Variants in HOMER1 observed in about 807,000 individuals in gnomAD.
HOMER1 encodes the protein homer protein homolog 1.
Under a neutral mutation model 48.9 loss-of-function variants are expected in HOMER1, and 3 were observed. That is an observed-to-expected ratio of 0.06 (90% CI 0.03 to 0.16). The LOEUF (loss-of-function observed/expected upper bound fraction) is 0.16, where lower values mean the gene tolerates loss of function less well. Ranked by LOEUF, HOMER1 falls within the 10% of genes least tolerant of loss-of-function variation. HOMER1 has a pLI of 1.00. For missense variants in HOMER1, 247 were observed against 411.4 expected (o/e 0.60, Z 3.46); for synonymous variants, 134 against 146.4 (o/e 0.92, Z 0.61).
chr5:79,391,200 C>T (rs1749241947), intron 8 of HOMER1, among the ~76,000 whole-genome samples: 1 of 149,376 alleles, frequency 6.7e-6, no homozygotes, highest in Non-Finnish European at 1.5e-5. Flanking sequence ...TGCCATGGCA[C>T]AATCACGGCT....
intron 3 of HOMER1, among the ~76,000 whole-genome samples, chr5:79,450,175 T>A (rs1013895217): frequency 2.0e-5 from 3 of 152,210 alleles, no homozygotes; most frequent in Admixed American, 1.3e-4. Context: ...AAATATATGG[T>A]TATTCTTTTA....
chr5:79,428,844 A>G (rs1003877429), intron 5 of HOMER1, among the ~76,000 whole-genome samples: 2 of 152,172 alleles, frequency 1.3e-5, no homozygotes, highest in African/African-American at 4.8e-5. Context: ...TAAGAGGAAC[A>G]TTTTGGCCGT....
At chr5:79,429,763 C>G (rs1013308812) in intron 5 of HOMER1, among the ~76,000 whole-genome samples, 3 of 152,194 alleles carry the variant, frequency 2.0e-5, no homozygotes, top group African/African-American at 7.2e-5. Flanking sequence ...GTGGCTCACG[C>G]CTGTAATCCC....
At chr5:79,509,849 A>G (rs758526319) in intron 1 of HOMER1, among the ~76,000 whole-genome samples, 1 of 152,236 alleles carries the variant, frequency 6.6e-6, no homozygotes, top group Non-Finnish European at 1.5e-5. Context: ...TAAGACGAAG[A>G]TAAATCCTTA....
chr5:79,451,121 C>A lies in HOMER1; in HGVS notation c.163G>T (p.Ala55Ser). 2 of 1,607,814 alleles carry A rather than the reference C, an allele frequency of 1.2e-6. No homozygotes were observed. The highest frequency in any genetic ancestry group is 1.7e-6 in the Non-Finnish European group (2 of 1,175,802). Residue 55 changes from alanine (A) to serine (S), a missense_variant and splice_region_variant, in exon 3 of 9, where the codon GCA (alanine) becomes TCA (serine). Transcript: ENST00000334082. ...YRIISLDGSK[A>S]IINSTITPNM... ...GGGGTGATGGTACTATTTATTATTG[C>A]CTAAAAAATAAAGCAAGTATGAGCA...
At position 79,374,115 on chromosome 5, in the gene HOMER1, T is replaced by G. The variant is rs1748699912; in HGVS notation, c.*1894A>C. 1 of 152,434 alleles carries G rather than the reference T, an allele frequency of 6.6e-6. No homozygotes were observed. The highest frequency in any genetic ancestry group is 6.5e-5 in the Admixed American group (1 of 15,270). 9.4% of individuals were successfully genotyped at this position (152,434 alleles called of 1,614,324 possible). On this transcript the variant is annotated 3_prime_UTR_variant, in exon 9 of 9. Coordinates refer to ENST00000334082, the MANE Select transcript of HOMER1 (RefSeq NM_004272.5). ...ATTTAAATTAAAACTTGGTGCTCTT[T>G]GTTACTCAGAAACTGATGGATAAAA...
intron 5 of HOMER1, among the ~76,000 whole-genome samples, chr5:79,430,021 C>CA (rs60012975): frequency 0.014 from 1,684 of 116,858 alleles, 23 homozygotes; most frequent in African/African-American, 0.04. Context: ...AGACTCTTCT[C>CA]AAAAAAAAAA....
intron 1 of HOMER1, among the ~76,000 whole-genome samples, chr5:79,476,830 T>C (rs1751792962): frequency 6.6e-6 from 1 of 152,102 alleles, no homozygotes; most frequent in Non-Finnish European, 1.5e-5. Context: ...TCGACAACCA[T>C]GTCAAAATGT....
chr5:79,446,565 C>G (rs916184500), intron 4 of HOMER1, among the ~76,000 whole-genome samples: 31 of 152,088 alleles, frequency 2.0e-4, no homozygotes, highest in Non-Finnish European at 2.9e-5. Context: ...ATTTTGATTA[C>G]AAATATTCTT....
intron 1 of HOMER1, chr5:79,510,375 A>C: frequency 1.8e-6 from 1 of 554,492 alleles, no homozygotes; most frequent in Admixed American, 2.3e-5. Flanking sequence ...CTTAGTATTA[A>C]ATTCATCCTG....
intron 1 of HOMER1, among the ~76,000 whole-genome samples, chr5:79,493,492 A>T (rs537341868): frequency 2.0e-5 from 3 of 152,346 alleles, no homozygotes; most frequent in African/African-American, 7.2e-5. Context: ...TACTTAGAAC[A>T]CCGCCTGACA....
chr5:79,373,390 T>G lies in HOMER1; in HGVS notation c.*2619A>C, dbSNP rs1393626135. The G allele has an allele frequency of 1.3e-5, 2 of 151,988 alleles. No individual in the cohort carries two copies. The highest frequency in any genetic ancestry group is 2.9e-5 in the Non-Finnish European group (2 of 67,928). 9.4% of individuals were successfully genotyped at this position (151,988 alleles called of 1,614,324 possible). On this transcript the variant is annotated 3_prime_UTR_variant, in exon 9 of 9. Coordinates refer to ENST00000334082, the MANE Select transcript of HOMER1 (RefSeq NM_004272.5). Reference sequence around the variant, plus strand: ...ACAATGGGATCAACCTCCTCCTCCATGTCGCTTCAAGTCCACATGTTCAGG... The same window carrying G: ...ACAATGGGATCAACCTCCTCCTCCAGGTCGCTTCAAGTCCACATGTTCAGG...
chr5:79,409,356 G>A (rs79040112), intron 5 of HOMER1, among the ~76,000 whole-genome samples: 18 of 151,578 alleles, frequency 1.2e-4, no homozygotes, highest in African/African-American at 3.1e-4. Flanking sequence ...CACTTGAACC[G>A]GGGAGGCGGA....
intron 1 of HOMER1, among the ~76,000 whole-genome samples, chr5:79,472,472 A>G (rs560677109): frequency 1.3e-5 from 2 of 152,270 alleles, no homozygotes; most frequent in Admixed American, 1.3e-4. Flanking sequence ...GTAAATACCA[A>G]TTAAAAATAC....
intron 1 of HOMER1, among the ~76,000 whole-genome samples, chr5:79,484,562 A>C (rs901723848): frequency 6.6e-6 from 1 of 152,182 alleles, no homozygotes; most frequent in Non-Finnish European, 1.5e-5. Context: ...AAAATAAATT[A>C]AAAAAATAAA....
intron 1 of HOMER1, among the ~76,000 whole-genome samples, chr5:79,478,598 C>T (rs1460745618): frequency 6.6e-6 from 1 of 151,940 alleles, no homozygotes; most frequent in Non-Finnish European, 1.5e-5. Flanking sequence ...TAAACTCACA[C>T]TTTGTGCAAT....
intron 1 of HOMER1, among the ~76,000 whole-genome samples, chr5:79,478,907 G>A (rs1751867786): frequency 6.6e-6 from 1 of 152,178 alleles, no homozygotes; most frequent in South Asian, 2.1e-4. Context: ...AGCTGAGATT[G>A]TGCCACTGCA....
intron 3 of HOMER1, among the ~76,000 whole-genome samples, chr5:79,448,851 T>C (rs1233697656): frequency 1.3e-5 from 2 of 152,056 alleles, no homozygotes; most frequent in Admixed American, 1.3e-4. Context: ...TGTGAGTATA[T>C]AAGCTAGAAT....
At chr5:79,477,278 T>C (rs566513327) in intron 1 of HOMER1, among the ~76,000 whole-genome samples, 46 of 152,278 alleles carry the variant, frequency 3.0e-4, no homozygotes, top group Non-Finnish European at 3.4e-4. Flanking sequence ...AAACTATTTA[T>C]TGGACAATTT....
Sources: gnomAD v4.1 joint callset for allele counts (sites outside exome capture counted in the v4.1 genomes callset) on GRCh38, gnomAD v4.1.1 for gene constraint, MANE v1.5 for transcripts, NCBI Gene and HGNC (gene_info 2026-07-23, HGNC 2026-07-21) for gene names.